MEIS2: variants seen among roughly 807,000 people sequenced by gnomAD.
The protein encoded by MEIS2 is Meis homeobox 2.
A neutral mutation model predicts 58.6 loss-of-function variants in MEIS2; 9 were observed. The observed-to-expected ratio is 0.15, with a 90% CI of 0.09 to 0.27. MEIS2 has a LOEUF of 0.27. MEIS2 is among the 10% of genes least tolerant of loss of function. The pLI, the probability that MEIS2 is intolerant of heterozygous loss-of-function variation, is 1.00. For missense variants in MEIS2, 427 were observed against 635.0 expected (o/e 0.67, Z 3.52); for synonymous variants, 221 against 228.4 (o/e 0.97, Z 0.29).
intron 8 of MEIS2, among the ~76,000 whole-genome samples, chr15:37,005,557 C>T (rs993577356): frequency 2.6e-5 from 4 of 152,070 alleles, no homozygotes; most frequent in African/African-American, 9.7e-5. Context: ...CCAGTCCTAC[C>T]CATCATGATG....
At chr15:37,086,627 T>C (rs78418339) in intron 6 of MEIS2, among the ~76,000 whole-genome samples, 1,611 of 152,290 alleles carry the variant, frequency 0.011, 13 homozygotes, top group Non-Finnish European at 0.014. Context: ...TCATGTTTAT[T>C]TCCCATAGAG....
chr15:36,894,281 T>C (rs1203226155), intron 11 of MEIS2: 1 of 156,988 alleles, frequency 6.4e-6, no homozygotes, highest in Non-Finnish European at 1.4e-5. Context: ...ATAAGATAAT[T>C]TGGGCATCAA....
At chr15:36,998,349 C>A (rs1296431365) in intron 8 of MEIS2, among the ~76,000 whole-genome samples, 1 of 145,114 alleles carries the variant, frequency 6.9e-6, no homozygotes, top group Non-Finnish European at 1.5e-5. Context: ...GCCTCCCAAG[C>A]AGCTGGGAAA....
chr15:36,955,277 C>T (rs1324214448), intron 8 of MEIS2, among the ~76,000 whole-genome samples: 1 of 152,154 alleles, frequency 6.6e-6, no homozygotes, highest in East Asian at 1.9e-4. Flanking sequence ...AGGACAATCA[C>T]CTTTCCACTA....
At chr15:37,026,629 G>C (rs189853135) in intron 8 of MEIS2, among the ~76,000 whole-genome samples, 1 of 152,202 alleles carries the variant, frequency 6.6e-6, no homozygotes, top group South Asian at 2.1e-4. Context: ...CAGATTTGGC[G>C]GGGGGAGAGT....
chr15:37,079,713 C>A (rs1018221864), intron 7 of MEIS2, among the ~76,000 whole-genome samples: 1 of 152,134 alleles, frequency 6.6e-6, no homozygotes, highest in African/African-American at 2.4e-5. Flanking sequence ...AAATATCTAG[C>A]TATGAGGAAT....
In MEIS2 at chr15:37,013,529, G is replaced by A. The variant is rs190766705; in HGVS notation, c.900+23285C>T. On this transcript the variant is annotated intron_variant, in intron 8 of 11. Transcript: ENST00000561208. ...AGAGATTGCAGTCAGCCGAGGTCAC[G>A]CCTTTGTACTCCAGCCTGGGCAACA... Among the ~76,000 whole-genome samples the A allele has an allele frequency of 4.8e-3, 721 of 150,368 alleles. 3 individuals carry two copies. The highest frequency in any genetic ancestry group is 0.031 in the Middle Eastern group (9 of 286).
At chr15:37,070,441 C>T (rs574486778) in intron 7 of MEIS2, among the ~76,000 whole-genome samples, 2 of 152,100 alleles carry the variant, frequency 1.3e-5, no homozygotes, top group Non-Finnish European at 2.9e-5. Flanking sequence ...AGAGATAATG[C>T]ATAAAAGCGT....
intron 9 of MEIS2, 85 bp downstream of exon 9, chr15:36,950,239 G>GAAA: frequency 5.5e-5 from 56 of 1,010,680 alleles, no homozygotes; most frequent in Non-Finnish European, 5.9e-5. Context: ...ATTTGTTTTA[G>GAAA]AAAAAAAAAA....
intron 7 of MEIS2, among the ~76,000 whole-genome samples, chr15:37,067,044 G>T (rs1031929129): frequency 1.3e-5 from 2 of 149,666 alleles, no homozygotes; most frequent in African/African-American, 4.9e-5. Context: ...GCCTCCCAAA[G>T]TTCTGGGATT....
At chr15:36,980,836 T>C (rs935068128) in intron 8 of MEIS2, among the ~76,000 whole-genome samples, 2 of 152,206 alleles carry the variant, frequency 1.3e-5, no homozygotes, top group Non-Finnish European at 2.9e-5. Flanking sequence ...CTATACTGTC[T>C]CTTCTGTTCC....
chr15:37,094,413 C>A, intron 5 of MEIS2, 114 bp downstream of exon 5: 1 of 994,342 alleles, frequency 1.0e-6, no homozygotes, highest in Non-Finnish European at 1.5e-6. Flanking sequence ...TGGTTACATG[C>A]TCAAAATCTC....
chr15:37,047,133 C>T (rs1413177516), intron 7 of MEIS2, among the ~76,000 whole-genome samples: 1 of 152,056 alleles, frequency 6.6e-6, no homozygotes, highest in Non-Finnish European at 1.5e-5. Context: ...CATAATAAAG[C>T]TCTTCTGGGC....
chr15:36,903,777 CA>C (rs1174132316), intron 9 of MEIS2, among the ~76,000 whole-genome samples: 3 of 152,176 alleles, frequency 2.0e-5, no homozygotes, highest in Non-Finnish European at 2.9e-5. Flanking sequence ...AAGATCCCAA[CA>C]AATCTAGTAG....
At chr15:37,099,360 CA>C in intron 1 of MEIS2, 94 bp downstream of exon 1, 1 of 1,570,486 alleles carries the variant, frequency 6.4e-7, no homozygotes, top group South Asian at 1.2e-5. Flanking sequence ...AAGCAGCGAG[CA>C]GCAGCAGAAG....
chr15:36,937,117 G>C (rs1439628620), intron 9 of MEIS2, among the ~76,000 whole-genome samples: 1 of 152,146 alleles, frequency 6.6e-6, no homozygotes, highest in Non-Finnish European at 1.5e-5. Context: ...TTTGAGGTGG[G>C]ATATGATATT....
At chr15:37,009,992 T>C (rs1216211970) in intron 8 of MEIS2, among the ~76,000 whole-genome samples, 2 of 152,296 alleles carry the variant, frequency 1.3e-5, no homozygotes, top group East Asian at 1.9e-4. Flanking sequence ...TTACAGTTAA[T>C]GGAGGTAAGG....
chr15:37,029,904 C>G (rs994754661), intron 8 of MEIS2, among the ~76,000 whole-genome samples: 3 of 152,136 alleles, frequency 2.0e-5, no homozygotes, highest in African/African-American at 7.2e-5. Context: ...TGGTTCACAC[C>G]CATAATCCCA....
intron 8 of MEIS2, chr15:36,972,894 T>C (rs912383444): frequency 2.6e-5 from 4 of 152,170 alleles, no homozygotes; most frequent in African/African-American, 9.7e-5. Context: ...CTGTTGAAAC[T>C]GCCTCTATTG....
Sources: gnomAD v4.1 joint callset for allele counts (sites outside exome capture counted in the v4.1 genomes callset) on GRCh38, gnomAD v4.1.1 for gene constraint, MANE v1.5 for transcripts, NCBI Gene and HGNC (gene_info 2026-07-23, HGNC 2026-07-21) for gene names.